Variants in GSTA2 observed in about 807,000 individuals in gnomAD.
GSTA2 encodes the protein glutathione S-transferase alpha 2.
Under a neutral mutation model 22.4 loss-of-function variants are expected in GSTA2, and 27 were observed. The observed-to-expected ratio is 1.21, with a 90% confidence interval of 0.89 to 1.67. The LOEUF (loss-of-function observed/expected upper bound fraction) is 1.67, where lower values mean the gene tolerates loss of function less well. GSTA2 is among the 40% of genes most tolerant of loss of function. GSTA2 has a pLI of 0.00. For missense variants in GSTA2, 302 were observed against 260.2 expected (o/e 1.16, Z -1.11); for synonymous variants, 121 against 86.8 (o/e 1.39, Z -2.19).
chr6:52,751,016 A>T lies in GSTA2; in HGVS notation c.547-317T>A, dbSNP rs1307337510. Among the ~76,000 whole-genome samples, 3 of 152,254 alleles carry T rather than the reference A, an allele frequency of 2.0e-5. No individual in the cohort carries two copies. The East Asian group carries it at 5.8e-4, about 29-fold the overall frequency. On this transcript the variant is annotated intron_variant, in intron 6 of 6. Coordinates refer to ENST00000493422, the MANE Select transcript of GSTA2 (RefSeq NM_000846.5). ...TAATGTGCTTGTTTGATATCAGCAC[A>T]GATCAGTCTCTAAGCAGAAGTGAAA...
chr6:52,754,841 C>T (rs1476486059), intron 4 of GSTA2, 102 bp downstream of exon 4: 10 of 1,500,736 alleles, frequency 6.7e-6, no homozygotes, highest in Non-Finnish European at 8.3e-6. Context: ...AAGGCCCAGC[C>T]TGCTGCTGGT....
chr6:52,750,922 G>A (rs1762724772), intron 6 of GSTA2, among the ~76,000 whole-genome samples: 1 of 152,200 alleles, frequency 6.6e-6, no homozygotes. Flanking sequence ...AATCAGTTCA[G>A]TCATCCCTAT....
At chr6:52,757,247 T>C (rs7773886) in intron 2 of GSTA2, among the ~76,000 whole-genome samples, 1,258 of 108,982 alleles carry the variant, frequency 0.012, 25 homozygotes, top group African/African-American at 0.042. Context: ...TTTAATATTA[T>C]GCATTTTTAT....
intron 2 of GSTA2, among the ~76,000 whole-genome samples, chr6:52,757,659 A>G (rs565835547): frequency 6.6e-5 from 10 of 152,214 alleles, no homozygotes; most frequent in Non-Finnish European, 1.5e-4. Flanking sequence ...AGTGTCTTAA[A>G]TGTATTTTAA....
chr6:52,756,037 T>A (rs1440535306), intron 3 of GSTA2, among the ~76,000 whole-genome samples: 1 of 152,100 alleles, frequency 6.6e-6, no homozygotes, highest in East Asian at 1.9e-4. Context: ...GGTGGGAGAT[T>A]GTTCCTCTAG....
chr6:52,751,027 T>C (rs570630306), intron 6 of GSTA2, among the ~76,000 whole-genome samples: 1 of 152,288 alleles, frequency 6.6e-6, no homozygotes, highest in East Asian at 1.9e-4. Context: ...GATCAGTCTC[T>C]AAGCAGAAGT....
intron 1 of GSTA2, 128 bp downstream of exon 1, chr6:52,763,316 C>G (rs998446698): frequency 1.2e-5 from 2 of 168,214 alleles, no homozygotes; most frequent in African/African-American, 4.8e-5. Context: ...CCAAACACAC[C>G]AAGATGGCAT....
Position 52,751,511 on chromosome 6 carries a change from C to T in GSTA2, c.546+66G>A, listed in dbSNP as rs1313487077. 9 of 1,609,738 alleles carry T rather than the reference C, an allele frequency of 5.6e-6. No homozygotes were observed. In the East Asian group the frequency reaches 2.0e-4, roughly 36 times the overall value. On this transcript the variant is annotated intron_variant, in intron 6 of 6. Transcript: ENST00000493422. ...GGTCAAAACATGCTCAGTCCCAGGGCCCAGATACAAGATCCCAAGATGGGA... is the reference window on the plus strand; with the variant it reads ...GGTCAAAACATGCTCAGTCCCAGGGTCCAGATACAAGATCCCAAGATGGGA...
chr6:52,760,210 C>T (rs1267879743), intron 1 of GSTA2, among the ~76,000 whole-genome samples: 1 of 152,160 alleles, frequency 6.6e-6, no homozygotes, highest in African/African-American at 2.4e-5. Flanking sequence ...GTCATAATTC[C>T]AATCCCCAAA....
At position 52,750,501 on chromosome 6, in the gene GSTA2, C is replaced by A; in HGVS notation, c.*76G>T. 1.4e-6 allele frequency: 2 copies of A among 1,420,052 alleles called. No homozygotes were observed. Among genetic ancestry groups the A allele is most frequent in the Non-Finnish European group, 2.0e-6 (2 of 1,017,772 alleles). 88.0% of individuals were successfully genotyped at this position (1,420,052 alleles called of 1,614,324 possible). ...AGCTTCACAACAGGCACAATCAACA[C>A]TTAGGTAAAGCACTTAATTGTTGCA... is the stretch of plus-strand genomic sequence containing the variant. On this transcript the variant is annotated 3_prime_UTR_variant, in exon 7 of 7. Coordinates refer to ENST00000493422, the MANE Select transcript of GSTA2 (RefSeq NM_000846.5).
chr6:52,751,693 CGT>C lies in GSTA2; in HGVS notation c.428_429del (p.His143ArgfsTer14), dbSNP rs776694368. 159 of 1,613,982 alleles carry C rather than the reference CGT, an allele frequency of 9.9e-5. No homozygotes were observed. The highest frequency in any genetic ancestry group is 1.2e-4 in the Non-Finnish European group (145 of 1,180,000). On this transcript the variant is annotated frameshift_variant, in exon 6 of 7. Coordinates refer to ENST00000493422, the MANE Select transcript of GSTA2 (RefSeq NM_000846.5). LOFTEE classifies it high-confidence loss of function. ...FPAFEKVLKS[H>X]GQDYLVGNKL... Reference sequence around the variant, plus strand: ...TTGTTGCCAACAAGGTAGTCTTGTCCGTGGCTCTTTAAGACCTGGAGAATGGG... The same window carrying C: ...TTGTTGCCAACAAGGTAGTCTTGTCCGGCTCTTTAAGACCTGGAGAATGGG...
At chr6:52,756,373 A>C (rs1762845889) in intron 2 of GSTA2, 64 bp from the exon 3 acceptor site, 1 of 1,271,220 alleles carries the variant, frequency 7.9e-7, no homozygotes, top group African/African-American at 1.5e-5. Context: ...GTGAAATTGA[A>C]TGGCCTCTAT....
rs1762713499 is a variant in GSTA2, at chr6:52,750,393, C to T, written c.*184G>A. ...TGGAAAACTGAATTCACATCAGATCCTAATGAGAAGAAATCAATTTTAACT... is the reference window on the plus strand; with the variant it reads ...TGGAAAACTGAATTCACATCAGATCTTAATGAGAAGAAATCAATTTTAACT... On this transcript the variant is annotated 3_prime_UTR_variant, in exon 7 of 7. Transcript: ENST00000493422. The T allele has an allele frequency of 1.9e-6, 1 of 528,672 alleles. No individual in the cohort carries two copies. Among genetic ancestry groups the T allele is most frequent in the African/African-American group, 1.9e-5 (1 of 51,376 alleles). The allele number at this position is 528,672 out of a possible 1,614,324, so 32.7% of individuals were successfully genotyped here.
In GSTA2 at chr6:52,752,908, C is replaced by G. The variant is rs1193419576; in HGVS notation, c.360G>C (p.Lys120Asn). ...PFSQPEEQDA[K>N]LALIQEKTKN... is the part of the protein sequence containing the mutation. Reference sequence around the variant, plus strand: ...TTGTTTTCTCTTGGATCAAGGCAAGCTTGGCATCTTGTTCCTCAGGTTGAC... The same window carrying G: ...TTGTTTTCTCTTGGATCAAGGCAAGGTTGGCATCTTGTTCCTCAGGTTGAC... Residue 120 changes from lysine to asparagine, a missense_variant, in exon 5 of 7, where the codon AAG becomes AAC. Coordinates refer to ENST00000493422, the MANE Select transcript of GSTA2 (RefSeq NM_000846.5). The G allele has an allele frequency of 6.2e-6, 10 of 1,614,070 alleles. No homozygotes were observed. Among genetic ancestry groups the G allele is most frequent in the Non-Finnish European group, 8.5e-6 (10 of 1,179,954 alleles).
intron 5 of GSTA2, among the ~76,000 whole-genome samples, chr6:52,752,621 C>T (rs983025938): frequency 6.6e-6 from 1 of 152,168 alleles, no homozygotes; most frequent in African/African-American, 2.4e-5. Context: ...ACAGATAATT[C>T]CATATTGGGG....
intron 3 of GSTA2, among the ~76,000 whole-genome samples, chr6:52,755,969 T>TGG (rs1762834394): frequency 6.6e-6 from 1 of 152,144 alleles, no homozygotes; most frequent in African/African-American, 2.4e-5. Context: ...CCTGTGCTGA[T>TGG]GACCACTGCT....
chr6:52,755,602 G>C (rs1029252712), intron 3 of GSTA2, among the ~76,000 whole-genome samples: 1 of 151,960 alleles, frequency 6.6e-6, no homozygotes, highest in African/African-American at 2.4e-5. Flanking sequence ...ATATGTTTTT[G>C]TTGCCCCTCC....
chr6:52,755,403 G>A (rs1293790114), intron 3 of GSTA2, among the ~76,000 whole-genome samples: 2 of 151,780 alleles, frequency 1.3e-5, no homozygotes, highest in Admixed American at 6.6e-5. Flanking sequence ...TAGAAGAGAT[G>A]GTGTCTCACC....
At chr6:52,750,733 A>G (rs1441109919) in intron 6 of GSTA2, 34 bp from the exon 7 acceptor site, 2 of 1,609,912 alleles carry the variant, frequency 1.2e-6, no homozygotes, top group Non-Finnish European at 1.7e-6. Context: ...CACTAAAACA[A>G]CAAGTCAAGG....
Sources: gnomAD v4.1 joint callset for allele counts (sites outside exome capture counted in the v4.1 genomes callset) on GRCh38, gnomAD v4.1.1 for gene constraint, MANE v1.5 for transcripts, NCBI Gene and HGNC (gene_info 2026-07-23, HGNC 2026-07-21) for gene names.